Variants in SLC7A14 observed in about 807,000 individuals in gnomAD.
SLC7A14 encodes the protein gamma-aminobutyric acid transporter SLC7A14.
A neutral mutation model predicts 60.2 loss-of-function variants in SLC7A14; 37 were observed. The ratio of observed to expected loss-of-function variants is 0.61; its 90% CI spans 0.47 to 0.81. SLC7A14 has a LOEUF of 0.81. SLC7A14 is among the 30% of genes least tolerant of loss of function. The pLI, the probability that SLC7A14 is intolerant of heterozygous loss-of-function variation, is 0.00. For synonymous variants in SLC7A14, 399 were observed against 395.8 expected (o/e 1.01, Z -0.10); for missense variants, 886 against 982.7 (o/e 0.90, Z 1.32).
At chr3:170,495,300 A>G (rs927017041) in intron 4 of SLC7A14, among the ~76,000 whole-genome samples, 3 of 152,202 alleles carry the variant, frequency 2.0e-5, no homozygotes, top group African/African-American at 4.8e-5. Context: ...ATGACCCAAT[A>G]ATTTCTTATA....
At chr3:170,534,818 G>T (rs1560272680) in intron 1 of SLC7A14, among the ~76,000 whole-genome samples, 1 of 151,940 alleles carries the variant, frequency 6.6e-6, no homozygotes, top group Admixed American at 6.6e-5. Context: ...TTTTTACCTG[G>T]TCTGGGACAA....
chr3:170,492,894 C>T (rs1392147864), intron 4 of SLC7A14, among the ~76,000 whole-genome samples: 2 of 152,178 alleles, frequency 1.3e-5, no homozygotes, highest in Non-Finnish European at 2.9e-5. Context: ...TTTTCTACCA[C>T]CCTCATGCCC....
intron 1 of SLC7A14, among the ~76,000 whole-genome samples, chr3:170,549,360 G>A (rs1034058955): frequency 1.3e-5 from 2 of 152,052 alleles, no homozygotes; most frequent in Non-Finnish European, 2.9e-5. Flanking sequence ...GACTACAGGC[G>A]CGCACCACCA....
At chr3:170,563,330 G>A (rs771386474) in intron 1 of SLC7A14, among the ~76,000 whole-genome samples, 10 of 150,386 alleles carry the variant, frequency 6.6e-5, no homozygotes, top group African/African-American at 2.0e-4. Context: ...TGTGTACCCC[G>A]CCCATTTGCA....
In SLC7A14 at chr3:170,533,285, G is replaced by A. The variant is rs143247849; in HGVS notation, c.-152-6197C>T. On this transcript the variant is annotated intron_variant, in intron 1 of 7. Transcript: ENST00000231706. Reference sequence around the variant, plus strand: ...ACGTGGCCAGGTACAGGCCAGATGCGTCTTAATCTCAGGGTCTGCTCAGCT... The same window carrying A: ...ACGTGGCCAGGTACAGGCCAGATGCATCTTAATCTCAGGGTCTGCTCAGCT... 9.2e-5 allele frequency among the ~76,000 whole-genome samples: 14 copies of A among 152,306 alleles called. No individual in the cohort carries two copies. The East Asian group carries it at 9.7e-4, about 11-fold the overall frequency.
At chr3:170,523,321 C>T (rs535327054) in intron 2 of SLC7A14, among the ~76,000 whole-genome samples, 10 of 152,156 alleles carry the variant, frequency 6.6e-5, no homozygotes, top group Non-Finnish European at 1.2e-4. Context: ...TTTCAAACAT[C>T]CCACTCTTTA....
intron 1 of SLC7A14, among the ~76,000 whole-genome samples, chr3:170,578,298 A>C (rs1420253618): frequency 6.6e-6 from 1 of 152,250 alleles, no homozygotes; most frequent in Non-Finnish European, 1.5e-5. Flanking sequence ...TTGCAAAAGC[A>C]CAAGAGCCAT....
chr3:170,546,807 G>A (rs115029308), intron 1 of SLC7A14, among the ~76,000 whole-genome samples: 2,143 of 152,230 alleles, frequency 0.014, 46 homozygotes, highest in African/African-American at 0.049. Flanking sequence ...CCTACAGGGT[G>A]CACTTGAATT....
rs946792220 is a variant in SLC7A14 at position 170,461,804 on chromosome 3, A to C, written c.*5251T>G. 2.6e-5 allele frequency: 4 copies of C among 152,280 alleles called. No homozygotes were observed. The highest frequency in any genetic ancestry group is 5.9e-5 in the Non-Finnish European group (4 of 68,058). The allele number at this position is 152,280 out of a possible 1,614,324, so 9.4% of individuals were successfully genotyped here. On this transcript the variant is annotated 3_prime_UTR_variant, in exon 8 of 8. Transcript: ENST00000231706. ...GGTCCTCAGTTTCAGGGAGCTACAC[A>C]GGTACAGGGGAAGCAGAGGCTCCAT...
intron 1 of SLC7A14, among the ~76,000 whole-genome samples, chr3:170,554,088 G>C (rs556141733): frequency 5.9e-5 from 9 of 152,016 alleles, no homozygotes; most frequent in Non-Finnish European, 1.5e-5. Flanking sequence ...CTGATAGTCA[G>C]TTGTTAAGGA....
Position 170,498,900 on chromosome 3 carries a change from A to C in SLC7A14, c.542-16T>G, listed in dbSNP as rs753463125. ...TCACCTTTCCCTAGAGAGGAAAGAC[A>C]TGATTTGACATTGTCTGGAGGGAAG... On this transcript the variant is annotated splice_polypyrimidine_tract_variant and intron_variant, in intron 3 of 7. Coordinates refer to ENST00000231706, the MANE Select transcript of SLC7A14 (RefSeq NM_020949.3). 1 of 1,612,596 alleles carries C rather than the reference A, an allele frequency of 6.2e-7. No homozygotes were observed. Among genetic ancestry groups the C allele is most frequent in the East Asian group, 2.2e-5 (1 of 44,862 alleles).
intron 4 of SLC7A14, among the ~76,000 whole-genome samples, chr3:170,490,429 G>T (rs983879537): frequency 6.6e-6 from 1 of 152,118 alleles, no homozygotes; most frequent in East Asian, 1.9e-4. Flanking sequence ...CCCTCCTCTT[G>T]TAAATCATTT....
At chr3:170,511,798 A>G (rs185007672) in intron 2 of SLC7A14, among the ~76,000 whole-genome samples, 423 of 152,348 alleles carry the variant, frequency 2.8e-3, no homozygotes, top group South Asian at 0.01. Context: ...GGTGTGCTCA[A>G]TGCACTTCTA....
intron 7 of SLC7A14, among the ~76,000 whole-genome samples, chr3:170,469,729 A>G (rs1393261777): frequency 6.6e-6 from 1 of 152,140 alleles, no homozygotes; most frequent in East Asian, 1.9e-4. Flanking sequence ...CAGATGCCAA[A>G]TATTGCCTCC....
At chr3:170,510,399 AATAAAT>A (rs1423163687) in intron 2 of SLC7A14, among the ~76,000 whole-genome samples, 1 of 139,786 alleles carries the variant, frequency 7.2e-6, no homozygotes, top group African/African-American at 2.6e-5. Context: ...AAAAAAAAAA[AATAAAT>A]AAATAAATAA....
intron 1 of SLC7A14, among the ~76,000 whole-genome samples, chr3:170,567,154 C>T (rs1321099597): frequency 8.7e-6 from 1 of 114,932 alleles, no homozygotes; most frequent in Non-Finnish European, 1.7e-5. Flanking sequence ...GCTATCCCTC[C>T]CCCCTCCCCC....
chr3:170,567,107 A>G (rs1714813835), intron 1 of SLC7A14, among the ~76,000 whole-genome samples: 1 of 149,314 alleles, frequency 6.7e-6, no homozygotes, highest in African/African-American at 2.5e-5. Flanking sequence ...TGCTGCACCC[A>G]TTAACTCATC....
At chr3:170,475,275 G>C (rs1224390761) in intron 7 of SLC7A14, among the ~76,000 whole-genome samples, 1 of 152,188 alleles carries the variant, frequency 6.6e-6, no homozygotes, top group African/African-American at 2.4e-5. Context: ...GATTTATTTA[G>C]AAAAGCTTGG....
chr3:170,467,967 A>T (rs1030841813), intron 7 of SLC7A14, among the ~76,000 whole-genome samples: 2 of 152,206 alleles, frequency 1.3e-5, no homozygotes, highest in African/African-American at 2.4e-5. Flanking sequence ...GTGATATATC[A>T]TGGCCACTCC....
Sources: allele counts gnomAD v4.1 joint callset (sites outside exome capture counted in the v4.1 genomes callset), GRCh38; gene constraint gnomAD v4.1.1; transcripts MANE v1.5; gene names NCBI Gene and HGNC (gene_info 2026-07-23, HGNC 2026-07-21).